The following PRPF39 variants were observed in gnomAD, a reference collection of about 807,000 sequenced individuals.
PRPF39 encodes the protein pre-mRNA processing factor 39.
Under a neutral mutation model 82.1 loss-of-function variants are expected in PRPF39, and 27 were observed. The observed-to-expected ratio is 0.33, with a 90% CI of 0.24 to 0.45. The LOEUF is 0.45. Ranked by LOEUF, PRPF39 falls within the 20% of genes least tolerant of loss-of-function variation. The pLI, the probability that PRPF39 is intolerant of heterozygous loss-of-function variation, is 1.00. For missense variants in PRPF39, 581 were observed against 796.9 expected (o/e 0.73, Z 3.26); for synonymous variants, 261 against 256.4 (o/e 1.02, Z -0.17).
intron 3 of PRPF39, 49 bp downstream of exon 3, chr14:45,096,277 A>G (rs1187179281): frequency 7.9e-6 from 12 of 1,524,614 alleles, no homozygotes; most frequent in Middle Eastern, 1.7e-4. Context: ...CTGTAAGCCA[A>G]TTAATAACAA....
chr14:45,088,732 A>C (rs567515614), intron 1 of PRPF39, among the ~76,000 whole-genome samples: 3 of 152,360 alleles, frequency 2.0e-5, no homozygotes, highest in Admixed American at 2.0e-4. Flanking sequence ...AAGTTATAGC[A>C]GTGCAGATGA....
At chr14:45,103,919 G>A (rs1398842785) in intron 5 of PRPF39, among the ~76,000 whole-genome samples, 1 of 152,086 alleles carries the variant, frequency 6.6e-6, no homozygotes, top group Non-Finnish European at 1.5e-5. Flanking sequence ...ATATTTGTAG[G>A]AAACACACAT....
chr14:45,093,447 C>CT (rs948316676), intron 1 of PRPF39, among the ~76,000 whole-genome samples: 47 of 152,236 alleles, frequency 3.1e-4, no homozygotes, highest in African/African-American at 9.9e-4. Flanking sequence ...TGGTCTTGAA[C>CT]TCCTGACCTC....
chr14:45,102,733 T>C (rs1198392812), intron 5 of PRPF39, 37 bp downstream of exon 5: 2 of 1,497,686 alleles, frequency 1.3e-6, no homozygotes, highest in South Asian at 2.5e-5. Flanking sequence ...ACATCTTTGA[T>C]TACTCAGATA....
intron 13 of PRPF39, 116 bp from the exon 14 acceptor site, chr14:45,114,741 A>G: frequency 7.2e-7 from 1 of 1,394,040 alleles, no homozygotes; most frequent in East Asian, 2.3e-5. Flanking sequence ...TAAGTACTAG[A>G]ATTTTAGCAG....
intron 1 of PRPF39, among the ~76,000 whole-genome samples, chr14:45,090,495 T>G (rs1566689967): frequency 1.3e-5 from 2 of 152,204 alleles, no homozygotes. Flanking sequence ...TGTGTCTCTC[T>G]TATCTTTTCA....
At chr14:45,088,900 TTTCTA>T (rs1246533914) in intron 1 of PRPF39, among the ~76,000 whole-genome samples, 2 of 152,240 alleles carry the variant, frequency 1.3e-5, no homozygotes, top group African/African-American at 4.8e-5. Context: ...CTAAAATTTT[TTTCTA>T]TTCTATTTTC....
At chr14:45,101,619 CA>C (rs1382158617) in intron 4 of PRPF39, among the ~76,000 whole-genome samples, 1 of 152,050 alleles carries the variant, frequency 6.6e-6, no homozygotes, top group Non-Finnish European at 1.5e-5. Context: ...ATGTGCACCA[CA>C]ACGCCTGGCT....
rs751251206 is a variant in PRPF39 at position 45,116,272 on chromosome 14, A to G, written c.*1359A>G. 1.9e-6 allele frequency: 3 copies of G among 1,606,404 alleles called. No individual in the cohort carries two copies. The highest frequency in any genetic ancestry group is 1.3e-5 in the African/African-American group (1 of 74,732). ...GGAATTCTGTTGAAGAAGTCAAGGTACATTTGATAAAAAGTGCCTCTCCCC... is the reference window on the plus strand; with the variant it reads ...GGAATTCTGTTGAAGAAGTCAAGGTGCATTTGATAAAAAGTGCCTCTCCCC... On this transcript the variant is annotated 3_prime_UTR_variant, in exon 14 of 14. Coordinates refer to ENST00000355765, the MANE Select transcript of PRPF39 (RefSeq NM_017922.4).
rs762103228 is a variant in PRPF39, at chr14:45,102,514, A to T, written c.570-15A>T. ...TATCTTGGAAAGATAACTTAAGAGT[A>T]ATTTAATTTTTCAGAACTTTTGAGC... On this transcript the variant is annotated splice_polypyrimidine_tract_variant and intron_variant, in intron 4 of 13. Coordinates refer to ENST00000355765, the MANE Select transcript of PRPF39 (RefSeq NM_017922.4). 1 of 1,563,904 alleles carries T rather than the reference A, an allele frequency of 6.4e-7. No individual in the cohort carries two copies. The highest frequency in any genetic ancestry group is 8.6e-7 in the Non-Finnish European group (1 of 1,157,440).
At chr14:45,086,406 TTA>T (rs1883829818) in intron 1 of PRPF39, among the ~76,000 whole-genome samples, 1 of 152,244 alleles carries the variant, frequency 6.6e-6, no homozygotes, top group East Asian at 1.9e-4. Flanking sequence ...CCTATTCACT[TTA>T]TGTTATGTTT....
chr14:45,113,250 C>T (rs947244220), intron 11 of PRPF39, among the ~76,000 whole-genome samples: 2 of 152,170 alleles, frequency 1.3e-5, no homozygotes, highest in African/African-American at 2.4e-5. Context: ...TTCAGTGCAA[C>T]TAATATAACA....
chr14:45,095,429 G>A lies in PRPF39; in HGVS notation c.190G>A (p.Val64Met), dbSNP rs1884166199. 6.2e-7 allele frequency: 1 copy of A among 1,614,022 alleles called. No homozygotes were observed. The highest frequency in any genetic ancestry group is 8.5e-7 in the Non-Finnish European group (1 of 1,179,882). Residue 64 changes from valine to methionine, a missense_variant, in exon 2 of 14, where the codon GTG (valine) becomes ATG (methionine). Coordinates refer to ENST00000355765, the MANE Select transcript of PRPF39 (RefSeq NM_017922.4). ...AGAAGAAACTGAAATGGCAAGTGCT[G>A]TGGACCTTCCAGTGACGCTGACAGA... ...STEETEMASA[V>M]DLPVTLTETE...
chr14:45,102,725 A>T, intron 5 of PRPF39, 29 bp downstream of exon 5: 1 of 1,523,784 alleles, frequency 6.6e-7, no homozygotes, highest in South Asian at 1.2e-5. Flanking sequence ...TCATTGAAAC[A>T]TCTTTGATTA....
rs919754957 is a variant in PRPF39 at position 45,095,329 on chromosome 14, T to A, written c.90T>A (p.Asp30Glu). Residue 30 changes from aspartate to glutamate, a missense_variant, in exon 2 of 14, where the codon GAT (aspartate) becomes GAA (glutamate). Physicochemically the swap from Asp to Glu is conservative, Grantham distance 45. Coordinates refer to ENST00000355765, the MANE Select transcript of PRPF39 (RefSeq NM_017922.4). ...SSEVVVEHPT[D>E]FSTEIMNVTE... ...AGGTAGTGGTAGAACATCCTACTGATTTCAGTACTGAGATTATGAACGTTA... is the reference window on the plus strand; with the variant it reads ...AGGTAGTGGTAGAACATCCTACTGAATTCAGTACTGAGATTATGAACGTTA... 28 of 1,613,392 alleles carry A rather than the reference T, an allele frequency of 1.7e-5. No individual in the cohort carries two copies. Among genetic ancestry groups the A allele is most frequent in the Non-Finnish European group, 2.4e-5 (28 of 1,179,358 alleles).
At chr14:45,091,462 G>A (rs959421051) in intron 1 of PRPF39, among the ~76,000 whole-genome samples, 2 of 152,168 alleles carry the variant, frequency 1.3e-5, no homozygotes, top group Non-Finnish European at 2.9e-5. Context: ...TGAAATGATG[G>A]AAATGTTTTA....
intron 1 of PRPF39, among the ~76,000 whole-genome samples, chr14:45,092,214 T>C (rs1310167816): frequency 6.6e-6 from 1 of 152,212 alleles, no homozygotes; most frequent in East Asian, 1.9e-4. Context: ...AAATCAGTAT[T>C]TTATTAGTAA....
intron 11 of PRPF39, 63 bp downstream of exon 11, chr14:45,112,565 A>T: frequency 7.3e-7 from 1 of 1,369,088 alleles, no homozygotes; most frequent in Non-Finnish European, 9.5e-7. Flanking sequence ...TTGTATGGGG[A>T]TTTGATGATT....
chr14:45,090,112 T>C lies in PRPF39; in HGVS notation c.-19-5109T>C, dbSNP rs549073135. 2.0e-5 allele frequency among the ~76,000 whole-genome samples: 3 copies of C among 152,358 alleles called. No homozygotes were observed. In the South Asian group the frequency reaches 6.2e-4, roughly 32 times the overall value. On this transcript the variant is annotated intron_variant, in intron 1 of 13. Transcript: ENST00000355765. Reference sequence around the variant, plus strand: ...CCTACAGTCTTTTTTGTATTTTGTTTTTAGACTGAGCTCTGAAATACAAAA... The same window carrying C: ...CCTACAGTCTTTTTTGTATTTTGTTCTTAGACTGAGCTCTGAAATACAAAA...
Sources: gnomAD v4.1 joint callset for allele counts (sites outside exome capture counted in the v4.1 genomes callset) on GRCh38, gnomAD v4.1.1 for gene constraint, MANE v1.5 for transcripts, NCBI Gene and HGNC (gene_info 2026-07-23, HGNC 2026-07-21) for gene names.